LYRM7: variants seen among roughly 807,000 people sequenced by gnomAD.
LYRM7 encodes LYR motif containing 7, also known as complex III assembly factor LYRM7.
A neutral mutation model predicts 15.8 loss-of-function variants in LYRM7; 9 were observed. That is an observed-to-expected ratio of 0.57 (90% CI 0.34 to 0.99). The LOEUF (loss-of-function observed/expected upper bound fraction) is 0.99, where lower values mean the gene tolerates loss of function less well. LYRM7 is among the 50% of genes least tolerant of loss of function. The pLI is 0.02. For missense variants in LYRM7, 115 were observed against 119.1 expected, an observed-to-expected ratio of 0.97 and a Z score of 0.16; for synonymous variants, 39 against 39.4, an observed-to-expected ratio of 0.99 and a Z score of 0.04.
intron 1 of LYRM7, among the ~76,000 whole-genome samples, chr5:131,179,455 C>CTT (rs1276304946): frequency 4.1e-4 from 39 of 95,326 alleles, no homozygotes; most frequent in African/African-American, 9.2e-4. Flanking sequence ...TTTTTCTTTT[C>CTT]TTTTTTTTTT....
intron 4 of LYRM7, among the ~76,000 whole-genome samples, chr5:131,189,440 C>A: frequency 1.2e-5 from 1 of 80,020 alleles, no homozygotes; most frequent in South Asian, 4.2e-4. Context: ...AAGACTCCGT[C>A]TCCCAAAAAA....
intron 4 of LYRM7, among the ~76,000 whole-genome samples, chr5:131,189,992 G>A (rs1165121091): frequency 6.6e-6 from 1 of 151,812 alleles, no homozygotes; most frequent in African/African-American, 2.4e-5. Context: ...AAATTCACCA[G>A]GCATGGTAAT....
chr5:131,177,706 A>G (rs1418439329), intron 1 of LYRM7, among the ~76,000 whole-genome samples: 1 of 152,158 alleles, frequency 6.6e-6, no homozygotes, highest in African/African-American at 2.4e-5. Flanking sequence ...TATGTTGGGC[A>G]CTTGGTGGAA....
chr5:131,178,229 G>T (rs78784623), intron 1 of LYRM7, among the ~76,000 whole-genome samples: 11,401 of 152,210 alleles, frequency 0.075, 1,171 homozygotes, highest in African/African-American at 0.24. Context: ...ATGTTAGACA[G>T]TATTTGCAGA....
chr5:131,203,084 A>C lies in LYRM7; in HGVS notation c.*3483A>C, dbSNP rs1411803759. Reference sequence around the variant, plus strand: ...GAATAAGAATATGTGGAATTTCTATACCTATTGACAAAGCACATAATTTAA... The same window carrying C: ...GAATAAGAATATGTGGAATTTCTATCCCTATTGACAAAGCACATAATTTAA... On this transcript the variant is annotated 3_prime_UTR_variant, in exon 5 of 5. Coordinates refer to ENST00000379380, the MANE Select transcript of LYRM7 (RefSeq NM_181705.4). 1 of 152,364 alleles carries C rather than the reference A, an allele frequency of 6.6e-6. No individual in the cohort carries two copies. The highest frequency in any genetic ancestry group is 2.4e-5 in the African/African-American group (1 of 41,458). 9.4% of individuals were successfully genotyped at this position (152,364 alleles called of 1,614,324 possible). A position where few individuals can be genotyped will look rare whatever the true frequency, so the allele number is the denominator to read the frequency against.
At chr5:131,176,594 A>G (rs960998501) in intron 1 of LYRM7, among the ~76,000 whole-genome samples, 8 of 151,284 alleles carry the variant, frequency 5.3e-5, no homozygotes, top group African/African-American at 9.7e-5. Context: ...TTTTAGATTC[A>G]GAGAGTACAT....
intron 3 of LYRM7, among the ~76,000 whole-genome samples, chr5:131,184,648 G>GGA (rs1554090169): frequency 2.7e-5 from 4 of 149,998 alleles, no homozygotes; most frequent in African/African-American, 5.0e-5. Context: ...GGCGGGGGGG[G>GGA]GGTTCCAGGA....
At chr5:131,187,454 TGAG>T (rs1254647385) in intron 4 of LYRM7, among the ~76,000 whole-genome samples, 1 of 151,706 alleles carries the variant, frequency 6.6e-6, no homozygotes, top group Non-Finnish European at 1.5e-5. Flanking sequence ...TACTCTATAA[TGAG>T]TTTTGTTTTT....
At position 131,204,742 on chromosome 5, in the gene LYRM7, T is replaced by TGTGTGTGTGTGTGTGTG. The variant is rs60607642; in HGVS notation, c.*5141_*5142insGTGTGTGTGTGTGTGTG. 4.9e-4 allele frequency: 73 copies of TGTGTGTGTGTGTGTGTG among 149,982 alleles called. No individual in the cohort carries two copies. Among genetic ancestry groups the TGTGTGTGTGTGTGTGTG allele is most frequent in the African/African-American group, 1.7e-3 (71 of 40,992 alleles). The allele number at this position is 149,982 out of a possible 1,614,324, so 9.3% of individuals were successfully genotyped here. ...AGCATTTCAGAAAACGGATGTTCAT[T>TGTGTGTGTGTGTGTGTG]TGTGTGTGTGTGTGTGTGTAAGCAG... is the stretch of plus-strand genomic sequence containing the variant. On this transcript the variant is annotated 3_prime_UTR_variant, in exon 5 of 5. Transcript: ENST00000379380.
rs969259313 is a variant in LYRM7 at position 131,202,131 on chromosome 5, G to A, written c.*2530G>A. On this transcript the variant is annotated 3_prime_UTR_variant, in exon 5 of 5. Transcript: ENST00000379380. The stretch of plus-strand genomic sequence containing the variant: ...TTACAGGTGTAAGCCACTGCACCCT[G>A]CCTATTCTTATAATCATATATTTAT... The A allele has an allele frequency of 6.6e-6, 1 of 152,032 alleles. No homozygotes were observed. Among genetic ancestry groups the A allele is most frequent in the Admixed American group, 6.6e-5 (1 of 15,258 alleles). 9.4% of individuals were successfully genotyped at this position (152,032 alleles called of 1,614,324 possible). A position where few individuals can be genotyped will look rare whatever the true frequency, so the allele number is the denominator to read the frequency against.
At chr5:131,181,384 ATATAC>A (rs1755701030) in intron 2 of LYRM7, among the ~76,000 whole-genome samples, 2 of 100,124 alleles carry the variant, frequency 2.0e-5, no homozygotes, top group African/African-American at 1.2e-4. Flanking sequence ...TATATATAAT[ATATAC>A]ATATATATTA....
chr5:131,201,326 GAAAA>G lies in LYRM7; in HGVS notation c.*1731_*1734del, dbSNP rs1171978288. The G allele has an allele frequency of 8.0e-6, 1 of 125,654 alleles. No homozygotes were observed. The highest frequency in any genetic ancestry group is 7.9e-5 in the Admixed American group (1 of 12,638). The allele number at this position is 125,654 out of a possible 1,614,324, so 7.8% of individuals were successfully genotyped here. On this transcript the variant is annotated 3_prime_UTR_variant, in exon 5 of 5. Transcript: ENST00000379380. ...GAGACTCTGTCTCAAAAAAAAAAAAGAAAAAAAAAGGAAAAAGGAAAAAAAAAAG... is the reference window on the plus strand; with the variant it reads ...GAGACTCTGTCTCAAAAAAAAAAAAGAAAAAGGAAAAAGGAAAAAAAAAAG...
At chr5:131,181,442 A>G (rs1175564672) in intron 2 of LYRM7, among the ~76,000 whole-genome samples, 9 of 125,554 alleles carry the variant, frequency 7.2e-5, no homozygotes, top group South Asian at 2.3e-4. Flanking sequence ...ATATATATGT[A>G]TATATATATA....
intron 3 of LYRM7, among the ~76,000 whole-genome samples, chr5:131,184,641 G>A (rs555938175): frequency 8.9e-5 from 8 of 89,582 alleles, no homozygotes; most frequent in Non-Finnish European, 1.4e-4. Context: ...TTTTTTTGGC[G>A]GGGGGGGGGT....
At position 131,180,166 on chromosome 5, in the gene LYRM7, A is replaced by T; in HGVS notation, c.90A>T (p.Glu30Asp). 6.2e-7 allele frequency: 1 copy of T among 1,606,396 alleles called. No homozygotes were observed. Among genetic ancestry groups the T allele is most frequent in the Non-Finnish European group, 8.5e-7 (1 of 1,173,144 alleles). Reference sequence around the variant, plus strand: ...TTAAAAATGATGCCAGAGCATTAGAAGGTAAGTATGTTCTTTACCCCTTTG... The same window carrying T: ...TTAAAAATGATGCCAGAGCATTAGATGGTAAGTATGTTCTTTACCCCTTTG... ...QVFKNDARALEAARIKINEEF... is the reference protein window; with the variant it reads ...QVFKNDARALDAARIKINEEF... The change falls in exon 2 of 5, where the codon GAA becomes GAT. Residue 30 changes from glutamate to aspartate, a missense_variant and splice_region_variant. Transcript: ENST00000379380.
At chr5:131,171,675 C>T (rs1755524992) in intron 1 of LYRM7, 1 of 152,208 alleles carries the variant, frequency 6.6e-6, no homozygotes, top group Non-Finnish European at 1.5e-5. Flanking sequence ...TTCTCATTGG[C>T]AGCCATCCTT....
intron 4 of LYRM7, among the ~76,000 whole-genome samples, chr5:131,199,296 G>T (rs1265475172): frequency 6.6e-6 from 1 of 152,090 alleles, no homozygotes; most frequent in Non-Finnish European, 1.5e-5. Flanking sequence ...TATATTTAAT[G>T]ATAAAGGGTT....
intron 3 of LYRM7, among the ~76,000 whole-genome samples, chr5:131,183,867 TAAC>T (rs1437362941): frequency 2.6e-5 from 4 of 152,200 alleles, no homozygotes; most frequent in Admixed American, 6.5e-5. Flanking sequence ...CATTTTAAAA[TAAC>T]AATTTTATTA....
At chr5:131,184,644 G>GGC (rs1554090149) in intron 3 of LYRM7, among the ~76,000 whole-genome samples, 3 of 144,920 alleles carry the variant, frequency 2.1e-5, no homozygotes, top group African/African-American at 5.7e-5. Flanking sequence ...TTTTGGCGGG[G>GGC]GGGGGGTTCC....
Sources: gnomAD v4.1 joint callset for allele counts (sites outside exome capture counted in the v4.1 genomes callset) on GRCh38, gnomAD v4.1.1 for gene constraint, MANE v1.5 for transcripts, NCBI Gene and HGNC (gene_info 2026-07-23, HGNC 2026-07-21) for gene names.